Variants in IL9R observed in about 807,000 individuals in gnomAD.
The protein encoded by IL9R is interleukin-9 receptor.
Under a neutral mutation model 56.3 loss-of-function variants are expected in IL9R, and 54 were observed. The observed-to-expected ratio is 0.96, with a 90% CI of 0.77 to 1.20. IL9R has a LOEUF of 1.20. IL9R is among the 50% of genes most tolerant of loss of function. The pLI, the probability that IL9R is intolerant of heterozygous loss-of-function variation, is 0.00. For synonymous variants in IL9R, 212 were observed against 250.2 expected (o/e 0.85, Z 1.44); for missense variants, 545 against 629.8 (o/e 0.87, Z 1.44).
chrX:156,002,831 TG>T, intron 1 of IL9R, 74 bp from the exon 2 acceptor site: 2 of 1,608,704 alleles, frequency 1.2e-6, no homozygotes, highest in Non-Finnish European at 1.7e-6. Flanking sequence ...AGCACTCTGC[TG>T]GGGAGCAATT....
In IL9R at chrX:156,010,554, C is replaced by T; in HGVS notation, c.*145C>T. 8 of 315,462 alleles carry T rather than the reference C, an allele frequency of 2.5e-5. No homozygotes were observed. Among genetic ancestry groups the T allele is most frequent in the Non-Finnish European group, 3.4e-5 (7 of 204,680 alleles). 19.5% of individuals were successfully genotyped at this position (315,462 alleles called of 1,614,324 possible). A position where few individuals can be genotyped will look rare whatever the true frequency, so the allele number is the denominator to read the frequency against. On this transcript the variant is annotated 3_prime_UTR_variant, in exon 9 of 9. Coordinates refer to ENST00000244174, the MANE Select transcript of IL9R (RefSeq NM_002186.3). ...CTGGATGGAGGCTGGAGGCTCCCCC[C>T]TCAACCCCTCTGCTCAGTGCCTGTG...
chrX:156,002,939 A>G lies in IL9R; in HGVS notation c.62A>G (p.Asp21Gly). 1.9e-6 allele frequency: 3 copies of G among 1,613,850 alleles called. No individual in the cohort carries two copies. Among genetic ancestry groups the G allele is most frequent in the Non-Finnish European group, 1.7e-6 (2 of 1,179,816 alleles). Residue 21 changes from aspartate to glycine, a missense_variant, in exon 2 of 9, where the codon GAC becomes GGC. This residue lies in a region of IL9R where 431 missense variants were observed against 360.0 expected (regional missense o/e 1.20). Transcript: ENST00000244174. ...WTLESEALRR[D>G]MGTWLLACIC... ...TTGGAGAGTGAGGCCCTGAGGCGAGACATGGGCACCTGGCTCCTGGCCTGC... is the reference window on the plus strand; with the variant it reads ...TTGGAGAGTGAGGCCCTGAGGCGAGGCATGGGCACCTGGCTCCTGGCCTGC...
chrX:156,001,785 C>T (rs2067548267), intron 1 of IL9R, among the ~76,000 whole-genome samples: 1 of 152,184 alleles, frequency 6.6e-6, no homozygotes, highest in Non-Finnish European at 1.5e-5. Context: ...GGCCTTCCCA[C>T]ACCCAAGCAC....
intron 7 of IL9R, among the ~76,000 whole-genome samples, chrX:156,007,241 T>G (rs1012734013): frequency 7.2e-6 from 1 of 138,394 alleles, no homozygotes; most frequent in Non-Finnish European, 1.5e-5. Context: ...CCCTCTGTGA[T>G]CTGAGGACCC....
rs779668020 is a variant in IL9R at position 156,007,433 on chromosome X, C to T, written c.888-90C>T. ...AGTGGCAGGGACGAGGTGGGCGGAC[C>T]TCCTGCTGATGGAAGGAAGCTCAGC... On this transcript the variant is annotated intron_variant, in intron 7 of 8. Transcript: ENST00000244174. 77 of 837,610 alleles carry T rather than the reference C, an allele frequency of 9.2e-5. 1 individual carries two copies. Among genetic ancestry groups the T allele is most frequent in the Non-Finnish European group, 1.4e-4 (68 of 485,148 alleles). The allele number at this position is 837,610 out of a possible 1,614,324, so 51.9% of individuals were successfully genotyped here.
At chrX:156,001,603 C>G in intron 1 of IL9R, 5 of 692,100 alleles carry the variant, frequency 7.2e-6, no homozygotes, top group Non-Finnish European at 1.2e-5. Flanking sequence ...TAGAGTAGTG[C>G]CTGCTGCCCA....
chrX:156,005,269 C>A lies in IL9R; in HGVS notation c.580-9C>A, dbSNP rs1379934755. On this transcript the variant is annotated splice_polypyrimidine_tract_variant and intron_variant, in intron 5 of 8. Coordinates refer to ENST00000244174, the MANE Select transcript of IL9R (RefSeq NM_002186.3). ...CTTCACCACCTGCTAACTGTCCCCA[C>A]CCCCACAGCAGGCCCAGCACAGGGA... is the stretch of plus-strand genomic sequence containing the variant. The A allele has an allele frequency of 6.2e-7, 1 of 1,611,398 alleles. No homozygotes were observed.
intron 1 of IL9R, chrX:156,001,355 C>T (rs1278372728): frequency 1.6e-5 from 19 of 1,191,384 alleles, no homozygotes; most frequent in Non-Finnish European, 2.4e-5. Context: ...CCAACCCTGC[C>T]CTCACATATC....
intron 1 of IL9R, 27 bp from the exon 2 acceptor site, chrX:156,002,879 C>T: frequency 6.2e-7 from 1 of 1,613,426 alleles, no homozygotes; most frequent in Non-Finnish European, 8.5e-7. Flanking sequence ...ATGATTTGCA[C>T]AGGGCCCTCA....
At position 156,005,266 on chromosome X, in the gene IL9R, C is replaced by G. The variant is rs377139172; in HGVS notation, c.580-12C>G. On this transcript the variant is annotated splice_polypyrimidine_tract_variant and intron_variant, in intron 5 of 8. Coordinates refer to ENST00000244174, the MANE Select transcript of IL9R (RefSeq NM_002186.3). ...CACCTTCACCACCTGCTAACTGTCC[C>G]CACCCCCACAGCAGGCCCAGCACAG... 68 of 1,611,462 alleles carry G rather than the reference C, an allele frequency of 4.2e-5. No individual in the cohort carries two copies. The African/African-American group carries it at 6.3e-4, about 15-fold the overall frequency.
chrX:156,004,069 T>C (rs1194033566), intron 4 of IL9R: 1 of 611,964 alleles, frequency 1.6e-6, no homozygotes, highest in Non-Finnish European at 2.9e-6. Context: ...GAAATAAACA[T>C]GCACGGCTGC....
intron 1 of IL9R, among the ~76,000 whole-genome samples, chrX:156,002,433 C>T (rs746915221): frequency 2.2e-4 from 33 of 152,240 alleles, no homozygotes; most frequent in Admixed American, 9.8e-4. Flanking sequence ...TGCCTGTGAA[C>T]GGGGACAGTG....
At chrX:155,998,524 C>T (rs2067293475) in intron 1 of IL9R, among the ~76,000 whole-genome samples, 1 of 152,058 alleles carries the variant, frequency 6.6e-6, no homozygotes, top group South Asian at 2.1e-4. Flanking sequence ...CACCCTCTTC[C>T]CAGAGCTGTC....
At position 156,004,406 on chromosome X, in the gene IL9R, T is replaced by A. The variant is rs773528945; in HGVS notation, c.434-14T>A. The stretch of plus-strand genomic sequence containing the variant: ...CATGGGGCTTCAGCCTCACATGGAT[T>A]CACTCTGTTCCAGTTAAGCTGGACC... On this transcript the variant is annotated splice_polypyrimidine_tract_variant and intron_variant, in intron 4 of 8. Transcript: ENST00000244174. 1.2e-6 allele frequency: 2 copies of A among 1,613,782 alleles called. No individual in the cohort carries two copies. Among genetic ancestry groups the A allele is most frequent in the South Asian group, 1.1e-5 (1 of 91,052 alleles).
intron 6 of IL9R, 54 bp from the exon 7 acceptor site, chrX:156,006,029 G>A (rs2067912984): frequency 1.1e-6 from 1 of 911,356 alleles, no homozygotes; most frequent in African/African-American, 1.7e-5. Flanking sequence ...TGGGTTTGGG[G>A]GGAGCCTCCT....
chrX:156,010,543 G>A lies in IL9R; in HGVS notation c.*134G>A. On this transcript the variant is annotated 3_prime_UTR_variant, in exon 9 of 9. Coordinates refer to ENST00000244174, the MANE Select transcript of IL9R (RefSeq NM_002186.3). ...AGAGGTCCTGTCTGGATGGAGGCTGGAGGCTCCCCCCTCAACCCCTCTGCT... is the reference window on the plus strand; with the variant it reads ...AGAGGTCCTGTCTGGATGGAGGCTGAAGGCTCCCCCCTCAACCCCTCTGCT... 1 of 330,366 alleles carries A rather than the reference G, an allele frequency of 3.0e-6. No homozygotes were observed. Among genetic ancestry groups the A allele is most frequent in the Non-Finnish European group, 4.7e-6 (1 of 214,318 alleles). The allele number at this position is 330,366 out of a possible 1,614,324, so 20.5% of individuals were successfully genotyped here. A position where few individuals can be genotyped will look rare whatever the true frequency, so the allele number is the denominator to read the frequency against.
At position 156,007,131 on chromosome X, in the gene IL9R, G is replaced by A. The variant is rs1422663990; in HGVS notation, c.888-392G>A. On this transcript the variant is annotated intron_variant, in intron 7 of 8. Transcript: ENST00000244174. ...TGACATCCTTGTGGGAGGGTCAGTG[G>A]ATCCTTGGCAGCAAGTCTGGTGCTC... 3.3e-5 allele frequency among the ~76,000 whole-genome samples: 5 copies of A among 150,576 alleles called. No homozygotes were observed. In the East Asian group the frequency reaches 9.9e-4, roughly 30 times the overall value.
In IL9R at chrX:156,003,715, G is replaced by A. The variant is rs200625949; in HGVS notation, c.293G>A (p.Arg98Gln). 1.4e-5 allele frequency: 23 copies of A among 1,613,526 alleles called. No homozygotes were observed. Among genetic ancestry groups the A allele is most frequent in the Middle Eastern group, 1.6e-4 (1 of 6,078 alleles). ...APGGTHKCIL[R>Q]GSECTVVLPP... ...GGCGGCACACATAAGTGCATCTTGC[G>A]GGGCAGTGAGTGCACCGTCGTGCTG... The change falls in exon 4 of 9, where the codon CGG becomes CAG. Residue 98 changes from arginine (R) to glutamine (Q), a missense_variant. Around this residue, in one of 2 missense-constraint regions of IL9R, gnomAD observed 431 missense variants for 360.0 expected, o/e 1.20. Coordinates refer to ENST00000244174, the MANE Select transcript of IL9R (RefSeq NM_002186.3).
intron 1 of IL9R, among the ~76,000 whole-genome samples, chrX:156,000,898 A>G (rs1484491361): frequency 1.3e-5 from 2 of 152,146 alleles, no homozygotes; most frequent in Non-Finnish European, 2.9e-5. Flanking sequence ...AGGTGTCAGG[A>G]GCCAGGTATT....
Sources: gnomAD v4.1 joint callset for allele counts (sites outside exome capture counted in the v4.1 genomes callset) on GRCh38, gnomAD v4.1.1 for gene constraint, gnomAD v4.1.1 regional missense constraint, MANE v1.5 for transcripts, NCBI Gene and HGNC (gene_info 2026-07-23, HGNC 2026-07-21) for gene names.